SYK: variants seen among roughly 807,000 people sequenced by gnomAD.
SYK encodes spleen associated tyrosine kinase.
SYK carries 16 observed loss-of-function variants against 77.8 expected under a neutral mutation model. That is an observed-to-expected ratio of 0.21 (90% confidence interval 0.14 to 0.31). The LOEUF (loss-of-function observed/expected upper bound fraction) is 0.31, where lower values mean the gene tolerates loss of function less well. Ranked by LOEUF, SYK falls within the 10% of genes least tolerant of loss-of-function variation. The pLI is 1.00. For synonymous variants in SYK, 312 were observed against 308.7 expected, an observed-to-expected ratio of 1.01 and a Z score of -0.11; for missense variants, 529 against 814.4, an observed-to-expected ratio of 0.65 and a Z score of 4.26.
At chr9:90,835,451 G>C (rs1160001654) in intron 1 of SYK, among the ~76,000 whole-genome samples, 4 of 152,200 alleles carry the variant, frequency 2.6e-5, no homozygotes, top group African/African-American at 4.8e-5. Flanking sequence ...AAATGAGTGA[G>C]AGGTCTTGAA....
intron 13 of SYK, among the ~76,000 whole-genome samples, chr9:90,892,561 A>G (rs1165048764): frequency 2.0e-5 from 3 of 152,182 alleles, no homozygotes; most frequent in African/African-American, 7.2e-5. Context: ...AGGAAACACA[A>G]CATCAGAGTC....
At chr9:90,887,926 C>T in intron 12 of SYK, 37 bp downstream of exon 12, 1 of 1,536,756 alleles carries the variant, frequency 6.5e-7, no homozygotes, top group Non-Finnish European at 8.8e-7. Flanking sequence ...ACTGTGGGGC[C>T]ATTAGAACAG....
intron 1 of SYK, among the ~76,000 whole-genome samples, chr9:90,812,819 G>A (rs1360108734): frequency 6.6e-6 from 1 of 150,862 alleles, no homozygotes; most frequent in African/African-American, 2.4e-5. Context: ...GTGTTTTTCT[G>A]TTGCGAACAG....
chr9:90,872,939 G>A (rs1382820721), intron 7 of SYK, among the ~76,000 whole-genome samples: 1 of 152,200 alleles, frequency 6.6e-6, no homozygotes, highest in Non-Finnish European at 1.5e-5. Flanking sequence ...GAAGTGCTGA[G>A]ATACTCTGTG....
At chr9:90,821,067 C>A (rs1239204593) in intron 1 of SYK, among the ~76,000 whole-genome samples, 1 of 152,202 alleles carries the variant, frequency 6.6e-6, no homozygotes, top group Non-Finnish European at 1.5e-5. Flanking sequence ...CAGTTCCTAA[C>A]AAGTTTCTCA....
chr9:90,803,693 A>G (rs2118226313), intron 1 of SYK, among the ~76,000 whole-genome samples: 1 of 152,250 alleles, frequency 6.6e-6, no homozygotes, highest in Middle Eastern at 3.4e-3. Flanking sequence ...GCCCATGGTT[A>G]TAATCCAATA....
rs1194316893 is a variant in SYK at position 90,897,262 on chromosome 9, G to A, written c.*1662G>A. 1 of 230,602 alleles carries A rather than the reference G, an allele frequency of 4.3e-6. No homozygotes were observed. The highest frequency in any genetic ancestry group is 8.6e-6 in the Non-Finnish European group (1 of 116,360). The allele number at this position is 230,602 out of a possible 1,614,324, so 14.3% of individuals were successfully genotyped here. A position where few individuals can be genotyped will look rare whatever the true frequency, so the allele number is the denominator to read the frequency against. On this transcript the variant is annotated 3_prime_UTR_variant, in exon 14 of 14. Coordinates refer to ENST00000375754, the MANE Select transcript of SYK (RefSeq NM_003177.7). ...GAGTCACTCATATAACTTGTGTTTA[G>A]AAGTTTTTGGTAGCCACGCACACTT...
At chr9:90,874,572 C>G in intron 8 of SYK, 100 bp from the exon 9 acceptor site, 4 of 1,374,364 alleles carry the variant, frequency 2.9e-6, no homozygotes, top group Non-Finnish European at 3.0e-6. Context: ...AACATTGATG[C>G]TACTCTGAGT....
At chr9:90,874,568 G>A in intron 8 of SYK, 104 bp from the exon 9 acceptor site, 1 of 1,362,992 alleles carries the variant, frequency 7.3e-7, no homozygotes, top group Non-Finnish European at 1.0e-6. Flanking sequence ...TTGCAACATT[G>A]ATGCTACTCT....
intron 10 of SYK, among the ~76,000 whole-genome samples, chr9:90,878,345 C>T (rs1828022302): frequency 6.6e-6 from 1 of 152,128 alleles, no homozygotes; most frequent in African/African-American, 2.4e-5. Context: ...GCCTCATTTG[C>T]TGTGCTACGT....
intron 3 of SYK, among the ~76,000 whole-genome samples, chr9:90,848,883 G>A (rs896241067): frequency 3.3e-5 from 5 of 152,346 alleles, no homozygotes; most frequent in South Asian, 2.1e-4. Flanking sequence ...TTTCTGCTGC[G>A]TGGGGAGGAT....
chr9:90,876,694 A>G (rs1827949987), intron 9 of SYK, among the ~76,000 whole-genome samples: 1 of 152,208 alleles, frequency 6.6e-6, no homozygotes, highest in Non-Finnish European at 1.5e-5. Context: ...CTCTCGGTCA[A>G]TTTGGGGCAA....
chr9:90,842,758 AGTGTGTGTGTGT>A (rs60139969), intron 1 of SYK, among the ~76,000 whole-genome samples: 2 of 58,350 alleles, frequency 3.4e-5, no homozygotes, highest in African/African-American at 5.8e-5. Context: ...GTATGGAGAG[AGTGTGTGTGTGT>A]GTGTGTGTGT....
intron 7 of SYK, among the ~76,000 whole-genome samples, chr9:90,871,706 G>T (rs895754889): frequency 6.6e-6 from 1 of 152,154 alleles, no homozygotes; most frequent in African/African-American, 2.4e-5. Context: ...TCCAGTTGTG[G>T]CATCATTCTT....
intron 13 of SYK, among the ~76,000 whole-genome samples, chr9:90,889,596 T>C (rs1828713716): frequency 6.6e-6 from 1 of 152,128 alleles, no homozygotes; most frequent in Non-Finnish European, 1.5e-5. Context: ...GGAAATAATC[T>C]CATTCTGTAT....
chr9:90,828,450 C>T (rs1825757353), intron 1 of SYK, among the ~76,000 whole-genome samples: 1 of 152,030 alleles, frequency 6.6e-6, no homozygotes, highest in Non-Finnish European at 1.5e-5. Flanking sequence ...TGTTTTTCCC[C>T]AGAGAAGAGT....
chr9:90,810,253 G>A (rs1054273517), intron 1 of SYK, among the ~76,000 whole-genome samples: 1 of 152,206 alleles, frequency 6.6e-6, no homozygotes, highest in Non-Finnish European at 1.5e-5. Flanking sequence ...CAAGGGTTGG[G>A]TGGGACAATG....
chr9:90,860,436 T>C (rs1307776495), intron 3 of SYK, among the ~76,000 whole-genome samples: 1 of 102,160 alleles, frequency 9.8e-6, no homozygotes, highest in African/African-American at 4.8e-5. Flanking sequence ...CCATGTGGTT[T>C]TTTGTTGTGT....
At chr9:90,854,484 G>C (rs1826945150) in intron 3 of SYK, among the ~76,000 whole-genome samples, 1 of 152,114 alleles carries the variant, frequency 6.6e-6, no homozygotes, top group Non-Finnish European at 1.5e-5. Context: ...GAACATCACT[G>C]TCCCCTGCAG....
Sources: gnomAD v4.1 joint callset for allele counts (sites outside exome capture counted in the v4.1 genomes callset) on GRCh38, gnomAD v4.1.1 for gene constraint, MANE v1.5 for transcripts, NCBI Gene and HGNC (gene_info 2026-07-23, HGNC 2026-07-21) for gene names.